The following OR6N1 variants were observed in gnomAD, a reference collection of about 807,000 sequenced individuals.
OR6N1 encodes the protein olfactory receptor family 6 subfamily N member 1, also known as olfactory receptor 6N1.
For missense variants in OR6N1, 394 were observed against 371.7 expected, an observed-to-expected ratio of 1.06 and a Z score of -0.49; for synonymous variants, 170 against 150.7, an observed-to-expected ratio of 1.13 and a Z score of -0.94.
chr1:158,814,073 C>T, the OR6N1 span, among the ~76,000 whole-genome samples: 4 of 152,020 alleles, frequency 2.6e-5, no homozygotes, highest in Non-Finnish European at 4.4e-5. Context: ...TTCTGGTTTG[C>T]TCAAGAGAGT....
the OR6N1 span, among the ~76,000 whole-genome samples, chr1:158,834,231 A>ATTTTTTTT: frequency 7.7e-6 from 1 of 130,292 alleles, no homozygotes; most frequent in Admixed American, 8.1e-5. Context: ...TCCTTTATCA[A>ATTTTTTTT]TTTTTTTTTT....
At chr1:158,821,313 G>A in the OR6N1 span, among the ~76,000 whole-genome samples, 1 of 152,034 alleles carries the variant, frequency 6.6e-6, no homozygotes, top group South Asian at 2.1e-4. Flanking sequence ...GTCCAATACT[G>A]ACACACTTTT....
At chr1:158,836,797 G>A in the OR6N1 span, among the ~76,000 whole-genome samples, 10 of 151,452 alleles carry the variant, frequency 6.6e-5, no homozygotes, top group African/African-American at 1.9e-4. Flanking sequence ...TCCTTATGGT[G>A]TAAAGTCAGA....
chr1:158,800,228 G>T, the OR6N1 span, among the ~76,000 whole-genome samples: 1 of 152,030 alleles, frequency 6.6e-6, no homozygotes, highest in Admixed American at 6.6e-5. Context: ...GCTGCAAATG[G>T]TGTTTGCTCA....
chr1:158,805,747 G>A, the OR6N1 span, among the ~76,000 whole-genome samples: 3 of 152,132 alleles, frequency 2.0e-5, no homozygotes, highest in African/African-American at 7.2e-5. Flanking sequence ...AATACCTTCT[G>A]GTGGAGTTTC....
chr1:158,836,421 C>G, the OR6N1 span, among the ~76,000 whole-genome samples: 2 of 151,792 alleles, frequency 1.3e-5, no homozygotes, highest in African/African-American at 2.4e-5. Context: ...AATGACTGTT[C>G]GGATTTTCTA....
intron 1 of OR6N1, among the ~76,000 whole-genome samples, chr1:158,770,430 C>A (rs1414164511): frequency 6.6e-6 from 1 of 152,070 alleles, no homozygotes. Context: ...CTTTTTCACA[C>A]CCCCTTTAAG....
chr1:158,778,542 T>C, the OR6N1 span, among the ~76,000 whole-genome samples: 1 of 152,198 alleles, frequency 6.6e-6, no homozygotes, highest in African/African-American at 2.4e-5. Context: ...CTTAGCTCCA[T>C]AGATGCAGGG....
At chr1:158,784,770 G>T in the OR6N1 span, among the ~76,000 whole-genome samples, 1 of 152,014 alleles carries the variant, frequency 6.6e-6, no homozygotes, top group Admixed American at 6.5e-5. Context: ...TTTTATGGCT[G>T]AATGCTATTT....
upstream of OR6N1, chr1:158,776,643 G>T: frequency 1.6e-6 from 2 of 1,236,036 alleles, no homozygotes; most frequent in South Asian, 1.4e-5. Context: ...GAACTTTTAT[G>T]AATTGAACAT....
chr1:158,771,623 T>C (rs1446479042), intron 1 of OR6N1, among the ~76,000 whole-genome samples: 1 of 152,224 alleles, frequency 6.6e-6, no homozygotes, highest in Non-Finnish European at 1.5e-5. Context: ...ACAGCTGCAT[T>C]ATTCATAGTT....
At chr1:158,827,199 C>G in the OR6N1 span, among the ~76,000 whole-genome samples, 1 of 152,318 alleles carries the variant, frequency 6.6e-6, no homozygotes, top group Non-Finnish European at 1.5e-5. Context: ...CCACTGCACT[C>G]AATTCAATTG....
chr1:158,811,745 A>C, the OR6N1 span, among the ~76,000 whole-genome samples: 1 of 152,332 alleles, frequency 6.6e-6, no homozygotes, highest in Non-Finnish European at 1.5e-5. Context: ...CAGAACATTC[A>C]CTGTAAAAGA....
the OR6N1 span, among the ~76,000 whole-genome samples, chr1:158,789,257 C>T: frequency 1.3e-5 from 2 of 152,178 alleles, no homozygotes; most frequent in Non-Finnish European, 2.9e-5. Flanking sequence ...CAGATGTACA[C>T]TTTAGCTGAT....
At chr1:158,833,430 C>T in the OR6N1 span, among the ~76,000 whole-genome samples, 4,894 of 152,304 alleles carry the variant, frequency 0.032, 119 homozygotes, top group Non-Finnish European at 0.047. Flanking sequence ...ACCTCCAGAA[C>T]GCCTTTGCAT....
chr1:158,781,245 C>T, the OR6N1 span: 1 of 152,248 alleles, frequency 6.6e-6, no homozygotes, highest in South Asian at 2.1e-4. Context: ...GAAACTGGAT[C>T]TATAAGCCTT....
the OR6N1 span, among the ~76,000 whole-genome samples, chr1:158,786,358 G>T: frequency 6.6e-6 from 1 of 152,024 alleles, no homozygotes; most frequent in East Asian, 1.9e-4. Context: ...GAAGTTAGCA[G>T]GGATGTGGCG....
chr1:158,779,018 C>CAAAAAA, the OR6N1 span, among the ~76,000 whole-genome samples: 1 of 86,386 alleles, frequency 1.2e-5, no homozygotes, highest in African/African-American at 5.5e-5. Flanking sequence ...GACTGCGTCT[C>CAAAAAA]AAAAAAAAAA....
chr1:158,764,418 C>G lies in OR6N1; in HGVS notation c.*1326G>C, dbSNP rs1032667234. ...TTATATTCTCAACTCTTTTAAAACA[C>G]CCTAAAGGTAGGACCTGGACATATA... On this transcript the variant is annotated 3_prime_UTR_variant, in exon 2 of 2. Transcript: ENST00000641846. The G allele has an allele frequency of 6.6e-6, 1 of 151,680 alleles. No individual in the cohort carries two copies. Among genetic ancestry groups the G allele is most frequent in the East Asian group, 1.9e-4 (1 of 5,194 alleles). The allele number at this position is 151,680 out of a possible 1,614,324, so 9.4% of individuals were successfully genotyped here. A position where few individuals can be genotyped will look rare whatever the true frequency, so the allele number is the denominator to read the frequency against.
Sources: gnomAD v4.1 joint callset for allele counts (sites outside exome capture counted in the v4.1 genomes callset) on GRCh38, gnomAD v4.1.1 for gene constraint, MANE v1.5 for transcripts, NCBI Gene and HGNC (gene_info 2026-07-23, HGNC 2026-07-21) for gene names.